MTAP: variants seen among roughly 807,000 people sequenced by gnomAD.
The protein encoded by MTAP is S-methyl-5'-thioadenosine phosphorylase.
In MTAP, 33 loss-of-function variants were observed where a neutral mutation model predicts 33.6. The ratio of observed to expected loss-of-function variants is 0.98; its 90% CI spans 0.74 to 1.31. The LOEUF is 1.31. Ranked by LOEUF, MTAP falls within the 40% of genes most tolerant of loss-of-function variation. The pLI, the probability that MTAP is intolerant of heterozygous loss-of-function variation, is 0.00. For synonymous variants in MTAP, 148 were observed against 125.7 expected, an observed-to-expected ratio of 1.18 and a Z score of -1.19; for missense variants, 367 against 360.0, an observed-to-expected ratio of 1.02 and a Z score of -0.16.
chr9:21,808,480 C>T (rs2117930277), intron 1 of MTAP, among the ~76,000 whole-genome samples: 1 of 151,468 alleles, frequency 6.6e-6, no homozygotes. Context: ...AGTTCAGCTC[C>T]TTGGGGGCTG....
chr9:21,822,153 A>G (rs1824658982), intron 4 of MTAP, among the ~76,000 whole-genome samples: 2 of 151,004 alleles, frequency 1.3e-5, no homozygotes, highest in Non-Finnish European at 3.0e-5. Flanking sequence ...GATCTTAGTT[A>G]TTTCTTGTCT....
In MTAP at chr9:21,863,393, G is replaced by A. The variant is rs1283280404; in HGVS notation, c.*1379G>A. 1 of 822,080 alleles carries A rather than the reference G, an allele frequency of 1.2e-6. No homozygotes were observed. The highest frequency in any genetic ancestry group is 1.5e-6 in the Non-Finnish European group (1 of 681,278). 50.9% of individuals were successfully genotyped at this position (822,080 alleles called of 1,614,324 possible). On this transcript the variant is annotated 3_prime_UTR_variant, in exon 8 of 8. Coordinates refer to ENST00000644715, the MANE Select transcript of MTAP (RefSeq NM_002451.4). ...GAGGCCGAGACGGGTGGATCACAAG[G>A]TCAGGAGATCGAGACCATCCTGGCT...
intron 4 of MTAP, among the ~76,000 whole-genome samples, chr9:21,832,316 A>G (rs1346197095): frequency 6.6e-6 from 1 of 152,220 alleles, no homozygotes; most frequent in African/African-American, 2.4e-5. Context: ...GGTTGGGAGT[A>G]TGCTCTGATG....
intron 1 of MTAP, among the ~76,000 whole-genome samples, chr9:21,901,270 CA>C (rs1818389061): frequency 6.6e-6 from 1 of 152,132 alleles, no homozygotes; most frequent in Non-Finnish European, 1.5e-5. Flanking sequence ...CTCAATGTTA[CA>C]AAAATGTTAG....
chr9:21,820,273 TA>T lies in MTAP; in HGVS notation c.347+2072del, dbSNP rs559659694. 5.5e-3 allele frequency among the ~76,000 whole-genome samples: 844 copies of T among 152,344 alleles called. 5 individuals carry two copies. The highest frequency in any genetic ancestry group is 8.1e-3 in the Non-Finnish European group (554 of 68,022). ...TTTTCTTCTAGGGTTTTTATGGTTT[TA>T]GGTCTAACATTTAAGTCTTTAATCT... is the stretch of plus-strand genomic sequence containing the variant. On this transcript the variant is annotated intron_variant, in intron 4 of 7. Transcript: ENST00000644715.
chr9:21,873,392 A>G (rs1197777087), intron 1 of MTAP, among the ~76,000 whole-genome samples: 1 of 152,096 alleles, frequency 6.6e-6, no homozygotes, highest in East Asian at 1.9e-4. Context: ...CTAATCTCCA[A>G]TGCAGTAGTA....
At chr9:21,835,718 C>A (rs897260417) in intron 4 of MTAP, among the ~76,000 whole-genome samples, 2 of 152,118 alleles carry the variant, frequency 1.3e-5, no homozygotes, top group African/African-American at 4.8e-5. Context: ...GGGCATCATC[C>A]ACTCCCCTCA....
chr9:21,830,053 A>G (rs997889943), intron 4 of MTAP, among the ~76,000 whole-genome samples: 1 of 152,186 alleles, frequency 6.6e-6, no homozygotes, highest in Non-Finnish European at 1.5e-5. Context: ...GGGTTCAAGT[A>G]TGTTTGGGTA....
chr9:21,819,917 CTT>C (rs1277754501), intron 4 of MTAP, among the ~76,000 whole-genome samples: 2 of 152,098 alleles, frequency 1.3e-5, no homozygotes, highest in Non-Finnish European at 2.9e-5. Context: ...TTTCATGTGT[CTT>C]TTGGCTGCAT....
chr9:21,911,352 A>G (rs894350762), intron 1 of MTAP, among the ~76,000 whole-genome samples: 2 of 152,198 alleles, frequency 1.3e-5, no homozygotes, highest in African/African-American at 2.4e-5. Context: ...CACTGCACCT[A>G]TTCCAAAATT....
At chr9:21,824,827 C>T (rs1824745438) in intron 4 of MTAP, among the ~76,000 whole-genome samples, 1 of 152,212 alleles carries the variant, frequency 6.6e-6, no homozygotes, top group Admixed American at 6.5e-5. Context: ...AGCCTTGCCG[C>T]CGCCTTGCAG....
At position 21,890,007 on chromosome 9, in the gene MTAP, A is replaced by G. The variant is rs561122560; in HGVS notation, c.147+35137A>G. Reference sequence around the variant, plus strand: ...TGATAGGAAAGACCATAGAGCTCCCAAGAGATTATGTCTTTTGTCTTCAGC... The same window carrying G: ...TGATAGGAAAGACCATAGAGCTCCCGAGAGATTATGTCTTTTGTCTTCAGC... On this transcript the variant is annotated intron_variant, in intron 1 of 1. Coordinates refer to the MTAP transcript ENST00000577563. Among the ~76,000 whole-genome samples, 174 of 152,284 alleles carry G rather than the reference A, an allele frequency of 1.1e-3. 2 individuals are homozygous for G. Among genetic ancestry groups the G allele is most frequent in the African/African-American group, 4.1e-3 (171 of 41,558 alleles).
chr9:21,834,252 T>C (rs1434098537), intron 4 of MTAP, among the ~76,000 whole-genome samples: 1 of 152,206 alleles, frequency 6.6e-6, no homozygotes, highest in African/African-American at 2.4e-5. Flanking sequence ...GAAACTGATA[T>C]AACTGAGGTG....
intron 5 of MTAP, among the ~76,000 whole-genome samples, chr9:21,846,412 A>G (rs1270550529): frequency 7.1e-6 from 1 of 141,112 alleles, no homozygotes; most frequent in Non-Finnish European, 1.5e-5. Flanking sequence ...GAAACAAATC[A>G]GCAAGAAAAA....
chr9:21,831,880 T>C (rs1824975460), intron 4 of MTAP, among the ~76,000 whole-genome samples: 1 of 152,082 alleles, frequency 6.6e-6, no homozygotes, highest in Admixed American at 6.5e-5. Flanking sequence ...TTCTATAAAA[T>C]GTGGCTAATA....
At chr9:21,838,092 C>A in intron 5 of MTAP, 82 bp downstream of exon 5, 1 of 1,111,158 alleles carries the variant, frequency 9.0e-7, no homozygotes, top group Non-Finnish European at 1.4e-6. Flanking sequence ...ATTGGCAGAG[C>A]GAGTGGCCCC....
At chr9:21,927,021 C>T (rs930958047) in intron 1 of MTAP, among the ~76,000 whole-genome samples, 3 of 152,144 alleles carry the variant, frequency 2.0e-5, no homozygotes, top group Admixed American at 1.3e-4. Flanking sequence ...ATATCAGGTT[C>T]TAAAAGAAGG....
At chr9:21,875,122 A>G (rs1183529381) in intron 1 of MTAP, among the ~76,000 whole-genome samples, 2 of 152,184 alleles carry the variant, frequency 1.3e-5, no homozygotes, top group African/African-American at 4.8e-5. Context: ...TCTTGTGAAT[A>G]GTGCCGCAAT....
intron 1 of MTAP, among the ~76,000 whole-genome samples, chr9:21,900,150 C>G (rs958399067): frequency 1.3e-5 from 2 of 152,072 alleles, no homozygotes; most frequent in African/African-American, 4.8e-5. Flanking sequence ...ACTCCAAAAG[C>G]AATTGCAACA....
Sources: gnomAD v4.1 joint callset for allele counts (sites outside exome capture counted in the v4.1 genomes callset) on GRCh38, gnomAD v4.1.1 for gene constraint, MANE v1.5 for transcripts, NCBI Gene and HGNC (gene_info 2026-07-23, HGNC 2026-07-21) for gene names.